Variants in SNX29 observed in about 807,000 individuals in gnomAD.
The protein encoded by SNX29 is sorting nexin-29.
A neutral mutation model predicts 102.1 loss-of-function variants in SNX29; 78 were observed. That is an observed-to-expected ratio of 0.76 (90% CI 0.64 to 0.92). The LOEUF (loss-of-function observed/expected upper bound fraction) is 0.92, where lower values mean the gene tolerates loss of function less well. Ranked by LOEUF, SNX29 falls within the 40% of genes least tolerant of loss-of-function variation. SNX29 has a pLI of 0.00. For synonymous variants in SNX29, 580 were observed against 414.5 expected, an observed-to-expected ratio of 1.40 and a Z score of -4.85; for missense variants, 1,280 against 1,061.7, an observed-to-expected ratio of 1.21 and a Z score of -2.86.
chr16:12,418,378 T>C (rs977420600), intron 18 of SNX29, among the ~76,000 whole-genome samples: 1 of 151,564 alleles, frequency 6.6e-6, no homozygotes, highest in African/African-American at 2.4e-5. Context: ...ATTTATTTTT[T>C]TTTTGCTAGA....
At chr16:12,509,002 C>T (rs1224706673) in intron 19 of SNX29, among the ~76,000 whole-genome samples, 1 of 152,134 alleles carries the variant, frequency 6.6e-6, no homozygotes, top group Non-Finnish European at 1.5e-5. Flanking sequence ...CCGCTCAGTT[C>T]CCGGCATCCA....
intron 20 of SNX29, chr16:12,526,526 T>C (rs1317517719): frequency 3.9e-6 from 2 of 514,810 alleles, no homozygotes; most frequent in Non-Finnish European, 7.6e-6. Flanking sequence ...TATTTTTCTT[T>C]TCTTCTTTTA....
chr16:12,314,145 C>T (rs1011729110), intron 15 of SNX29, among the ~76,000 whole-genome samples: 2 of 152,206 alleles, frequency 1.3e-5, no homozygotes, highest in Non-Finnish European at 1.5e-5. Flanking sequence ...ATGCCACCAG[C>T]AGGCCTGGCT....
At chr16:12,107,180 C>T (rs1325258503) in intron 11 of SNX29, among the ~76,000 whole-genome samples, 1 of 152,150 alleles carries the variant, frequency 6.6e-6, no homozygotes, top group Non-Finnish European at 1.5e-5. Flanking sequence ...AGCTGCAAGG[C>T]TGCACGTGAA....
chr16:12,230,037 G>C (rs1484205100), intron 14 of SNX29, among the ~76,000 whole-genome samples: 1 of 152,276 alleles, frequency 6.6e-6, no homozygotes, highest in Non-Finnish European at 1.5e-5. Flanking sequence ...ACATTGTGTA[G>C]ATGAGTGGGC....
chr16:12,529,563 C>G (rs74009118), intron 20 of SNX29, among the ~76,000 whole-genome samples: 2,589 of 152,242 alleles, frequency 0.017, 77 homozygotes, highest in African/African-American at 0.058. Flanking sequence ...TGTTCTCCTG[C>G]TCCTTGAGGA....
chr16:12,138,586 A>G (rs1054896126), intron 13 of SNX29, among the ~76,000 whole-genome samples: 2 of 148,214 alleles, frequency 1.3e-5, no homozygotes, highest in African/African-American at 2.4e-5. Context: ...TCTTAAATTC[A>G]TAATGTAAAA....
Position 12,070,591 on chromosome 16 carries a change from G to A in SNX29, c.1319+1459G>A, listed in dbSNP as rs544521940. ...CCAGTCTATCTTTGTTGGACATTCGGGTTGGTTCCAAGTCTTTGCTATTGT... is the reference window on the plus strand; with the variant it reads ...CCAGTCTATCTTTGTTGGACATTCGAGTTGGTTCCAAGTCTTTGCTATTGT... On this transcript the variant is annotated intron_variant, in intron 10 of 20. Coordinates refer to ENST00000566228, the MANE Select transcript of SNX29 (RefSeq NM_032167.5). 5.9e-5 allele frequency among the ~76,000 whole-genome samples: 9 copies of A among 151,874 alleles called. No homozygotes were observed. The South Asian group carries it at 1.9e-3, about 32-fold the overall frequency.
chr16:12,118,609 C>T (rs910010662), intron 11 of SNX29, among the ~76,000 whole-genome samples: 1 of 151,994 alleles, frequency 6.6e-6, no homozygotes, highest in African/African-American at 2.4e-5. Flanking sequence ...AGCCACCGTG[C>T]CCGCCCTAGA....
intron 9 of SNX29, among the ~76,000 whole-genome samples, chr16:12,066,468 C>T (rs923442877): frequency 6.6e-6 from 1 of 152,066 alleles, no homozygotes; most frequent in Non-Finnish European, 1.5e-5. Flanking sequence ...GTAGGCACAG[C>T]GGGGTATCCC....
chr16:12,062,729 C>G (rs1476875477), intron 9 of SNX29, among the ~76,000 whole-genome samples: 2 of 152,156 alleles, frequency 1.3e-5, no homozygotes, highest in Non-Finnish European at 2.9e-5. Context: ...ATGACTGGAG[C>G]CCACTAATCA....
intron 3 of SNX29, among the ~76,000 whole-genome samples, chr16:12,011,013 A>G (rs1044274460): frequency 5.3e-5 from 8 of 151,762 alleles, no homozygotes; most frequent in African/African-American, 1.9e-4. Flanking sequence ...AACTAGTTTG[A>G]GGTGTTGACT....
At chr16:12,120,114 C>A (rs1408170976) in intron 11 of SNX29, among the ~76,000 whole-genome samples, 2 of 152,110 alleles carry the variant, frequency 1.3e-5, no homozygotes, top group Admixed American at 6.5e-5. Context: ...TTAAAAGTTA[C>A]ATTTTAGAGC....
chr16:12,316,595 C>G (rs1394620187), intron 15 of SNX29, among the ~76,000 whole-genome samples: 1 of 152,166 alleles, frequency 6.6e-6, no homozygotes, highest in Non-Finnish European at 1.5e-5. Context: ...CTTGCTCTCT[C>G]TCACCTCAGG....
Position 12,063,366 on chromosome 16 carries a change from C to CTTTTTTTTTTTTTTTTTTTTTTT in SNX29, c.1243+1724_1243+1746dup, listed in dbSNP as rs369015533. 8.5e-4 allele frequency among the ~76,000 whole-genome samples: 47 copies of CTTTTTTTTTTTTTTTTTTTTTTT among 55,394 alleles called. 12 individuals carry two copies. Among genetic ancestry groups the CTTTTTTTTTTTTTTTTTTTTTTT allele is most frequent in the Non-Finnish European group, 8.2e-4 (25 of 30,390 alleles). 36.3% of individuals were successfully genotyped at this position (55,394 alleles called of 152,430 possible). A position where few individuals can be genotyped will look rare whatever the true frequency, so the allele number is the denominator to read the frequency against. On this transcript the variant is annotated intron_variant, in intron 9 of 20. Coordinates refer to ENST00000566228, the MANE Select transcript of SNX29 (RefSeq NM_032167.5). ...CCCACCTCTTCTTTTCCTAGTCCATCTTTTTTTTTTTTTTTTTTTTTTTTT... is the reference window on the plus strand; with the variant it reads ...CCCACCTCTTCTTTTCCTAGTCCATCTTTTTTTTTTTTTTTTTTTTTTTTTTTTTTTTTTTTTTTTTTTTTTTT...
intron 18 of SNX29, among the ~76,000 whole-genome samples, chr16:12,433,956 C>A (rs537594966): frequency 6.6e-6 from 1 of 152,334 alleles, no homozygotes; most frequent in Non-Finnish European, 1.5e-5. Context: ...CTCTGCTTAA[C>A]TTGCTGGCCA....
At position 12,438,223 on chromosome 16, in the gene SNX29, C is replaced by G. The variant is rs549523241; in HGVS notation, c.2037+34694C>G. Among the ~76,000 whole-genome samples the G allele has an allele frequency of 2.0e-5, 3 of 152,308 alleles. 1 individual carries two copies. The East Asian group carries it at 5.8e-4, about 29-fold the overall frequency. ...AGGTGACTTGAAGGCAGCCACCAGT[C>G]CCATGAGGCCAGGCAGGCAGTTCAC... is the stretch of plus-strand genomic sequence containing the variant. On this transcript the variant is annotated intron_variant, in intron 18 of 20. Coordinates refer to ENST00000566228, the MANE Select transcript of SNX29 (RefSeq NM_032167.5).
chr16:12,012,015 G>A (rs2056670184), intron 3 of SNX29, among the ~76,000 whole-genome samples: 1 of 152,030 alleles, frequency 6.6e-6, no homozygotes, highest in South Asian at 2.1e-4. Flanking sequence ...AAGGTTGGAG[G>A]GATTGCCTCA....
intron 14 of SNX29, among the ~76,000 whole-genome samples, chr16:12,266,595 G>C (rs1016041092): frequency 1.5e-4 from 23 of 150,000 alleles, no homozygotes; most frequent in Middle Eastern, 3.2e-3. Context: ...ATGAATTATA[G>C]TGTCACTGTG....
Sources: gnomAD v4.1 joint callset for allele counts (sites outside exome capture counted in the v4.1 genomes callset) on GRCh38, gnomAD v4.1.1 for gene constraint, MANE v1.5 for transcripts, NCBI Gene and HGNC (gene_info 2026-07-23, HGNC 2026-07-21) for gene names.